Variants in ARL15 observed in about 807,000 individuals in gnomAD.
ARL15 encodes the protein ADP-ribosylation factor-like protein 15.
A neutral mutation model predicts 25.2 loss-of-function variants in ARL15; 19 were observed. That is an observed-to-expected ratio of 0.75 (90% CI 0.53 to 1.10). The LOEUF (loss-of-function observed/expected upper bound fraction) is 1.10. Among genes scored for constraint, ARL15 ranks in the 50% least tolerant of loss-of-function variants. ARL15 has a pLI of 0.00. For missense variants in ARL15, 220 were observed against 246.0 expected, an observed-to-expected ratio of 0.89 and a Z score of 0.71; for synonymous variants, 94 against 86.8, an observed-to-expected ratio of 1.08 and a Z score of -0.46.
chr5:53,906,332 A>G (rs1561143345), intron 4 of ARL15, among the ~76,000 whole-genome samples: 1 of 152,202 alleles, frequency 6.6e-6, no homozygotes, highest in Non-Finnish European at 1.5e-5. Context: ...CAGGGCTTGG[A>G]TCAGTAACAA....
At chr5:54,069,716 C>T (rs935189771) in intron 4 of ARL15, among the ~76,000 whole-genome samples, 3 of 151,774 alleles carry the variant, frequency 2.0e-5, no homozygotes, top group Non-Finnish European at 2.9e-5. Flanking sequence ...GGCGCAATCT[C>T]GGCTCACTGC....
chr5:53,898,788 G>T (rs900716545), intron 4 of ARL15, among the ~76,000 whole-genome samples: 4 of 151,736 alleles, frequency 2.6e-5, no homozygotes, highest in African/African-American at 9.7e-5. Flanking sequence ...GAGTAGCGAG[G>T]ACCACAGGCG....
chr5:54,041,218 G>A (rs1386102624), intron 4 of ARL15, among the ~76,000 whole-genome samples: 1 of 152,138 alleles, frequency 6.6e-6, no homozygotes, highest in Admixed American at 6.5e-5. Context: ...AGAGTAGTCA[G>A]GCTAAATCTC....
chr5:54,113,219 C>T lies in ARL15; in HGVS notation c.445G>A (p.Ala149Thr). 6.2e-7 allele frequency: 1 copy of T among 1,613,666 alleles called. No individual in the cohort carries two copies. Among genetic ancestry groups the T allele is most frequent in the Non-Finnish European group, 8.5e-7 (1 of 1,179,842 alleles). ...ILANHQDKPAARSVQEIKKYF... is the reference protein window; with the variant it reads ...ILANHQDKPATRSVQEIKKYF... ...AGACATACCTCTTGTACTGAGCGAGCTGCTGGCTTGTCTTGATGATTGGCC... is the reference window on the plus strand; with the variant it reads ...AGACATACCTCTTGTACTGAGCGAGTTGCTGGCTTGTCTTGATGATTGGCC... The change falls in exon 4 of 5, where the codon GCT (alanine) becomes ACT (threonine). Residue 149 changes from alanine (A) to threonine (T), a missense_variant. Transcript: ENST00000504924.
intron 4 of ARL15, 98 bp downstream of exon 4, chr5:54,113,104 C>T (rs181100044): frequency 8.4e-7 from 1 of 1,188,788 alleles, no homozygotes; most frequent in Non-Finnish European, 1.2e-6. Flanking sequence ...AGCAGCATAA[C>T]CAGCACATTC....
chr5:53,902,975 G>A (rs939852145), intron 4 of ARL15, among the ~76,000 whole-genome samples: 20 of 152,162 alleles, frequency 1.3e-4, no homozygotes, highest in African/African-American at 4.1e-4. Context: ...TGTCAGTCAC[G>A]GGAAGGGAAT....
chr5:54,019,459 C>G (rs1426530663), intron 4 of ARL15, among the ~76,000 whole-genome samples: 2 of 152,132 alleles, frequency 1.3e-5, no homozygotes, highest in East Asian at 1.9e-4. Flanking sequence ...GGTAAAACTA[C>G]AGAGGGCTAT....
At chr5:54,306,521 G>T (rs1758760736) in intron 1 of ARL15, among the ~76,000 whole-genome samples, 1 of 151,570 alleles carries the variant, frequency 6.6e-6, no homozygotes, top group African/African-American at 2.4e-5. Flanking sequence ...CTCCCAAGTA[G>T]CTGAGATTAC....
At chr5:54,092,115 C>G (rs1013376188) in intron 4 of ARL15, among the ~76,000 whole-genome samples, 1 of 151,416 alleles carries the variant, frequency 6.6e-6, no homozygotes, top group Non-Finnish European at 1.5e-5. Context: ...AATCTATACA[C>G]GTTCGTTCCG....
At chr5:54,009,025 AG>A (rs1344581580) in intron 4 of ARL15, among the ~76,000 whole-genome samples, 1 of 152,208 alleles carries the variant, frequency 6.6e-6, no homozygotes, top group Non-Finnish European at 1.5e-5. Flanking sequence ...CATTTTCATT[AG>A]AATATCCTGG....
At chr5:54,193,854 A>G (rs1010453697) in intron 1 of ARL15, among the ~76,000 whole-genome samples, 1 of 151,952 alleles carries the variant, frequency 6.6e-6, no homozygotes, top group Non-Finnish European at 1.5e-5. Context: ...AATTGCTCAG[A>G]TCTAGGTTTA....
At chr5:54,008,504 C>T (rs927723949) in intron 4 of ARL15, among the ~76,000 whole-genome samples, 1 of 152,184 alleles carries the variant, frequency 6.6e-6, no homozygotes, top group African/African-American at 2.4e-5. Context: ...TCTGGCATTA[C>T]ACGAAGCTAG....
chr5:54,098,326 T>C (rs961870097), intron 4 of ARL15, among the ~76,000 whole-genome samples: 2 of 152,168 alleles, frequency 1.3e-5, no homozygotes, highest in Non-Finnish European at 2.9e-5. Flanking sequence ...GGCAAACTAA[T>C]GTGGGCTAAC....
At chr5:54,037,736 A>C (rs1750215746) in intron 4 of ARL15, among the ~76,000 whole-genome samples, 1 of 152,068 alleles carries the variant, frequency 6.6e-6, no homozygotes, top group Non-Finnish European at 1.5e-5. Context: ...GGCACTTTTA[A>C]AACTTCATTT....
intron 4 of ARL15, among the ~76,000 whole-genome samples, chr5:53,923,040 A>T (rs1174932046): frequency 6.6e-6 from 1 of 152,224 alleles, no homozygotes; most frequent in Admixed American, 6.5e-5. Context: ...ATTAATTTTT[A>T]AAAAGTGGCC....
intron 4 of ARL15, among the ~76,000 whole-genome samples, chr5:53,917,579 C>T (rs1041949868): frequency 6.6e-6 from 1 of 152,184 alleles, no homozygotes; most frequent in Admixed American, 6.5e-5. Flanking sequence ...CCTCCTGCTC[C>T]CATTCTGGGG....
At chr5:54,098,488 G>A (rs570485513) in intron 4 of ARL15, among the ~76,000 whole-genome samples, 1 of 152,226 alleles carries the variant, frequency 6.6e-6, no homozygotes, top group South Asian at 2.1e-4. Context: ...GGTTAGTCAA[G>A]TGGAACTGCC....
intron 4 of ARL15, among the ~76,000 whole-genome samples, chr5:53,926,417 T>TC (rs1746025431): frequency 6.6e-6 from 1 of 150,846 alleles, no homozygotes; most frequent in Non-Finnish European, 1.5e-5. Flanking sequence ...GGGAAAAAAG[T>TC]CCCCCCACCC....
intron 4 of ARL15, among the ~76,000 whole-genome samples, chr5:54,043,796 C>T (rs1033838044): frequency 6.0e-5 from 9 of 151,242 alleles, no homozygotes; most frequent in Admixed American, 1.3e-4. Flanking sequence ...AATTCAGGCT[C>T]TTAATAAGAG....
Sources: allele counts gnomAD v4.1 joint callset (sites outside exome capture counted in the v4.1 genomes callset), GRCh38; gene constraint gnomAD v4.1.1; transcripts MANE v1.5; gene names NCBI Gene and HGNC (gene_info 2026-07-23, HGNC 2026-07-21).